Variants in KCNG2 observed in about 807,000 individuals in gnomAD.
KCNG2 encodes the protein voltage-gated potassium channel regulatory subunit KCNG2.
Under a neutral mutation model 12.3 loss-of-function variants are expected in KCNG2, and 7 were observed. That is an observed-to-expected ratio of 0.57 (90% CI 0.32 to 1.07). The LOEUF (loss-of-function observed/expected upper bound fraction) is 1.07, where lower values mean the gene tolerates loss of function less well. KCNG2 is among the 50% of genes least tolerant of loss of function. KCNG2 has a pLI of 0.04. For missense variants in KCNG2, 703 were observed against 726.0 expected, an observed-to-expected ratio of 0.97 and a Z score of 0.36; for synonymous variants, 414 against 351.4, an observed-to-expected ratio of 1.18 and a Z score of -1.99.
Position 79,884,431 on chromosome 18 carries a change from C to T in KCNG2, c.625-14609C>T, listed in dbSNP as rs1198893908. On this transcript the variant is annotated intron_variant, in intron 3 of 3. Coordinates refer to ENST00000316249, the MANE Select transcript of KCNG2 (RefSeq NM_012283.2). This position sits in a 1 kb window ranked among gnomAD's most constrained non-coding sequence, Gnocchi z 5.5. ...GCGCCTCTGCTCAACCCCGGCCTGG[C>T]AGGGACTGGCTGGTTCCCTTCCTTG... Among the ~76,000 whole-genome samples, 1 of 152,224 alleles carries T rather than the reference C, an allele frequency of 6.6e-6. No individual in the cohort carries two copies. The highest frequency in any genetic ancestry group is 1.5e-5 in the Non-Finnish European group (1 of 68,030).
chr18:79,875,612 A>G (rs1568266872), intron 3 of KCNG2, among the ~76,000 whole-genome samples: 2 of 152,190 alleles, frequency 1.3e-5, no homozygotes. Context: ...CGGTGGCACC[A>G]CAGACCTTCC....
chr18:79,824,091 C>T (rs555990283), intron 1 of KCNG2, among the ~76,000 whole-genome samples: 1 of 152,334 alleles, frequency 6.6e-6, no homozygotes, highest in Non-Finnish European at 1.5e-5. Flanking sequence ...CAGCCTCCGC[C>T]CCCCAGGCTC....
chr18:79,877,176 A>G (rs1193412692), intron 3 of KCNG2, among the ~76,000 whole-genome samples: 1 of 152,264 alleles, frequency 6.6e-6, no homozygotes. Flanking sequence ...ACCTCAATTC[A>G]GTTCAAAGTC....
chr18:79,885,408 C>A (rs180991043), intron 3 of KCNG2, among the ~76,000 whole-genome samples: 1 of 152,320 alleles, frequency 6.6e-6, no homozygotes, highest in Non-Finnish European at 1.5e-5. Context: ...AACGTGCCCG[C>A]CGACCATCCC....
At chr18:79,851,753 ATG>A (rs1486422536) in intron 1 of KCNG2, among the ~76,000 whole-genome samples, 31 of 30,196 alleles carry the variant, frequency 1.0e-3, no homozygotes, top group South Asian at 7.9e-3. Flanking sequence ...GTGTGAATGT[ATG>A]TGTGTGTGTG....
intron 1 of KCNG2, among the ~76,000 whole-genome samples, chr18:79,851,920 A>G (rs1366652032): frequency 6.6e-6 from 1 of 152,220 alleles, no homozygotes; most frequent in Non-Finnish European, 1.5e-5. Context: ...AGTCCTCACA[A>G]CAGCCTTGTA....
At chr18:79,847,237 C>A (rs1005351751) in intron 1 of KCNG2, among the ~76,000 whole-genome samples, 3 of 152,228 alleles carry the variant, frequency 2.0e-5, no homozygotes, top group East Asian at 3.9e-4. Flanking sequence ...CCCCCAGGTG[C>A]CTTGGGATGT....
At chr18:79,866,758 C>T (rs1979586243) in intron 3 of KCNG2, among the ~76,000 whole-genome samples, 1 of 20,532 alleles carries the variant, frequency 4.9e-5, no homozygotes, top group Non-Finnish European at 2.0e-4. Context: ...GTGCTGAGGT[C>T]TGTGTTCTGA....
intron 3 of KCNG2, among the ~76,000 whole-genome samples, chr18:79,887,964 C>T (rs563438909): frequency 1.1e-4 from 17 of 152,328 alleles, no homozygotes; most frequent in African/African-American, 3.1e-4. Flanking sequence ...GTCTCGGGCT[C>T]ACAGGGTAAT....
At chr18:79,842,614 A>C (rs1233433443) in intron 1 of KCNG2, among the ~76,000 whole-genome samples, 1 of 152,204 alleles carries the variant, frequency 6.6e-6, no homozygotes, top group African/African-American at 2.4e-5. Context: ...ACTAAACAAA[A>C]ATCAAGAAAA....
intron 3 of KCNG2, among the ~76,000 whole-genome samples, chr18:79,887,465 C>T (rs547640593): frequency 2.0e-5 from 3 of 152,230 alleles, no homozygotes; most frequent in South Asian, 2.1e-4. Context: ...TCTTGAGCTC[C>T]GGCCTGAATT....
chr18:79,854,322 A>C (rs946550801), intron 1 of KCNG2, among the ~76,000 whole-genome samples: 1 of 152,154 alleles, frequency 6.6e-6, no homozygotes, highest in Non-Finnish European at 1.5e-5. Flanking sequence ...CACAACACTC[A>C]CATGCAGAAA....
chr18:79,871,861 G>A (rs766235687), intron 3 of KCNG2, among the ~76,000 whole-genome samples: 7 of 152,222 alleles, frequency 4.6e-5, no homozygotes, highest in Non-Finnish European at 8.8e-5. Context: ...AGTCAGCAGC[G>A]TCTGCCACTG....
At chr18:79,879,156 C>T (rs1404518508) in intron 3 of KCNG2, among the ~76,000 whole-genome samples, 2 of 152,220 alleles carry the variant, frequency 1.3e-5, no homozygotes, top group Non-Finnish European at 2.9e-5. Context: ...TGCAGCCAGA[C>T]CTCCAGCCCC....
chr18:79,813,560 G>A (rs570399749), intron 1 of KCNG2, among the ~76,000 whole-genome samples: 2 of 152,170 alleles, frequency 1.3e-5, no homozygotes, highest in Non-Finnish European at 2.9e-5. Flanking sequence ...CGTGGAGGGA[G>A]GATGGAGAAG....
At chr18:79,834,275 TG>T (rs1978311920) in intron 1 of KCNG2, among the ~76,000 whole-genome samples, 1 of 152,140 alleles carries the variant, frequency 6.6e-6, no homozygotes, top group African/African-American at 2.4e-5. Context: ...ACGTGGCAAA[TG>T]GGGGTTTTCT....
At chr18:79,838,131 G>T (rs1158450721) in intron 1 of KCNG2, among the ~76,000 whole-genome samples, 2 of 152,106 alleles carry the variant, frequency 1.3e-5, no homozygotes, top group South Asian at 2.1e-4. Flanking sequence ...AGAACAGCAG[G>T]GGGGAACTGG....
intron 1 of KCNG2, among the ~76,000 whole-genome samples, chr18:79,819,026 G>A (rs570773877): frequency 2.6e-5 from 4 of 152,264 alleles, no homozygotes; most frequent in Admixed American, 2.6e-4. Flanking sequence ...TGTTGAATGA[G>A]AAAACAGACA....
At chr18:79,876,790 CCTT>C (rs1980091639) in intron 3 of KCNG2, among the ~76,000 whole-genome samples, 1 of 152,238 alleles carries the variant, frequency 6.6e-6, no homozygotes, top group African/African-American at 2.4e-5. Context: ...AACTCCGTGT[CCTT>C]CTTGCAGATG....
Sources: gnomAD v4.1 joint callset for allele counts (sites outside exome capture counted in the v4.1 genomes callset) on GRCh38, gnomAD v4.1.1 for gene constraint, Gnocchi (gnomAD v3.1) non-coding constraint, MANE v1.5 for transcripts, NCBI Gene and HGNC (gene_info 2026-07-23, HGNC 2026-07-21) for gene names.